Variants in ERBB4 observed in about 807,000 individuals in gnomAD.
ERBB4 encodes the protein receptor tyrosine-protein kinase erbB-4.
ERBB4 carries 42 observed loss-of-function variants against 158.0 expected under a neutral mutation model. That is an observed-to-expected ratio of 0.27 (90% CI 0.21 to 0.34). ERBB4 has a LOEUF of 0.34. Ranked by LOEUF, ERBB4 falls within the 10% of genes least tolerant of loss-of-function variation. The pLI, the probability that ERBB4 is intolerant of heterozygous loss-of-function variation, is 1.00. For synonymous variants in ERBB4, 583 were observed against 558.7 expected (o/e 1.04, Z -0.61); for missense variants, 1,333 against 1,624.1 (o/e 0.82, Z 3.08).
chr2:212,059,703 A>G (rs2077699684), intron 2 of ERBB4, among the ~76,000 whole-genome samples: 1 of 152,232 alleles, frequency 6.6e-6, no homozygotes, highest in Admixed American at 6.5e-5. Flanking sequence ...AAGATTCCCT[A>G]TTTAATAAAT....
chr2:211,627,986 A>G (rs968055486), intron 17 of ERBB4, among the ~76,000 whole-genome samples: 1 of 152,222 alleles, frequency 6.6e-6, no homozygotes, highest in African/African-American at 2.4e-5. Flanking sequence ...GGTCTGTGTG[A>G]TTACAACACT....
At chr2:212,442,042 T>C (rs995878757) in intron 1 of ERBB4, among the ~76,000 whole-genome samples, 2 of 152,026 alleles carry the variant, frequency 1.3e-5, no homozygotes, top group African/African-American at 4.8e-5. Flanking sequence ...TAGAGATAAT[T>C]GCACTCAACC....
intron 20 of ERBB4, among the ~76,000 whole-genome samples, chr2:211,503,089 C>A (rs539168305): frequency 1.3e-5 from 2 of 152,220 alleles, no homozygotes; most frequent in South Asian, 4.1e-4. Context: ...TGAAGAAACT[C>A]TGGGACACCA....
chr2:211,492,614 A>C (rs1330849751), intron 20 of ERBB4, among the ~76,000 whole-genome samples: 1 of 152,100 alleles, frequency 6.6e-6, no homozygotes, highest in African/African-American at 2.4e-5. Context: ...GCTCAGCAAG[A>C]AATAGAAAAC....
intron 1 of ERBB4, among the ~76,000 whole-genome samples, chr2:212,320,083 G>C: frequency 6.7e-6 from 1 of 149,956 alleles, no homozygotes; most frequent in Middle Eastern, 3.2e-3. Context: ...GCAAGTAAAA[G>C]TGATGGCATT....
At chr2:211,771,301 G>A (rs1559502762) in intron 4 of ERBB4, among the ~76,000 whole-genome samples, 1 of 147,974 alleles carries the variant, frequency 6.8e-6, no homozygotes, top group South Asian at 2.4e-4. Context: ...TCACCTTCAT[G>A]TAATATTTTT....
At position 211,746,907 on chromosome 2, in the gene ERBB4, T is replaced by C. The variant is rs74957707; in HGVS notation, c.622+3732A>G. ...TTCTTATGGAACCTAAGGACAGCAG[T>C]GTAGCTGGACCTCACGGAACCCAGA... On this transcript the variant is annotated intron_variant, in intron 5 of 27. Coordinates refer to ENST00000342788, the MANE Select transcript of ERBB4 (RefSeq NM_005235.3). Among the ~76,000 whole-genome samples the C allele has an allele frequency of 2.6e-3, 400 of 151,396 alleles. 1 individual carries two copies. Among genetic ancestry groups the C allele is most frequent in the African/African-American group, 9.1e-3 (374 of 41,176 alleles).
At chr2:211,862,722 C>T (rs1425325766) in intron 3 of ERBB4, among the ~76,000 whole-genome samples, 1 of 152,074 alleles carries the variant, frequency 6.6e-6, no homozygotes, top group Non-Finnish European at 1.5e-5. Context: ...CATTATTTTA[C>T]TTAGAAAAAA....
chr2:211,673,196 T>C lies in ERBB4; in HGVS notation c.1684A>G (p.Met562Val). The part of the protein sequence containing the change: ...CVECDPQCEK[M>V]EDGLLTCHGP... ...TGGCATGTGAGGAGGCCATCTTCCA[T>C]CTTCTCACACTGGGGGTCACACTCC... The change falls in exon 14 of 28, where the codon ATG becomes GTG. Residue 562 changes from methionine (M) to valine (V), a missense_variant. Physicochemically the swap from Met to Val is conservative, Grantham distance 21. This residue lies in a region of ERBB4 where 245 missense variants were observed against 247.5 expected (regional missense o/e 0.99). Coordinates refer to ENST00000342788, the MANE Select transcript of ERBB4 (RefSeq NM_005235.3). The C allele has an allele frequency of 6.2e-7, 1 of 1,613,784 alleles. No homozygotes were observed. The highest frequency in any genetic ancestry group is 8.5e-7 in the Non-Finnish European group (1 of 1,179,756).
intron 1 of ERBB4, among the ~76,000 whole-genome samples, chr2:212,398,458 A>G (rs965999556): frequency 3.9e-5 from 6 of 152,186 alleles, no homozygotes; most frequent in Admixed American, 3.9e-4. Context: ...TACAAGATCA[A>G]TAGTTCATCC....
At chr2:211,559,941 A>C (rs1319526417) in intron 20 of ERBB4, among the ~76,000 whole-genome samples, 1 of 152,192 alleles carries the variant, frequency 6.6e-6, no homozygotes, top group Non-Finnish European at 1.5e-5. Context: ...TACAAAAAAG[A>C]AAATAATTAT....
chr2:211,390,341 A>C (rs1352540178), intron 25 of ERBB4, among the ~76,000 whole-genome samples: 7 of 152,242 alleles, frequency 4.6e-5, no homozygotes, highest in African/African-American at 1.7e-4. Flanking sequence ...AAAGGCAAGA[A>C]TGAAACAAGG....
In ERBB4 at chr2:212,405,742, G is replaced by T. The variant is rs139747416; in HGVS notation, c.82+132707C>A. ...TTATTTTTGTATGCTGGCTCCTAGG[G>T]AGCAGCCACACTTAGTAAGTACATA... On this transcript the variant is annotated intron_variant, in intron 1 of 27. Transcript: ENST00000342788. 9.2e-3 allele frequency among the ~76,000 whole-genome samples: 1,399 copies of T among 152,142 alleles called. 14 individuals carry two copies. The highest frequency in any genetic ancestry group is 0.032 in the African/African-American group (1,322 of 41,536).
At chr2:211,732,612 T>C (rs1174100076) in intron 5 of ERBB4, among the ~76,000 whole-genome samples, 2 of 152,146 alleles carry the variant, frequency 1.3e-5, no homozygotes, top group Non-Finnish European at 2.9e-5. Flanking sequence ...CTGGAAAACA[T>C]AGCAAATAGC....
At chr2:212,396,284 A>C (rs1313777896) in intron 1 of ERBB4, among the ~76,000 whole-genome samples, 1 of 152,156 alleles carries the variant, frequency 6.6e-6, no homozygotes, top group Non-Finnish European at 1.5e-5. Context: ...TTCAGAATGA[A>C]TCCAGAGATG....
At chr2:212,474,879 T>C (rs1412914988) in intron 1 of ERBB4, among the ~76,000 whole-genome samples, 1 of 139,380 alleles carries the variant, frequency 7.2e-6, no homozygotes, top group Non-Finnish European at 1.5e-5. Flanking sequence ...TTCAACCTCC[T>C]GATGGGCTCA....
chr2:212,320,351 A>T (rs747470559), intron 1 of ERBB4, among the ~76,000 whole-genome samples: 2 of 148,736 alleles, frequency 1.3e-5, no homozygotes, highest in African/African-American at 4.9e-5. Flanking sequence ...TCTTGGTAAT[A>T]GTGAACAAAT....
chr2:212,320,732 G>A (rs552803273), intron 1 of ERBB4, among the ~76,000 whole-genome samples: 1 of 149,916 alleles, frequency 6.7e-6, no homozygotes, highest in Admixed American at 6.7e-5. Flanking sequence ...CTGGCCCTAG[G>A]GCCAGGTTTG....
At chr2:211,651,281 A>T (rs1370084897) in intron 16 of ERBB4, among the ~76,000 whole-genome samples, 3 of 152,210 alleles carry the variant, frequency 2.0e-5, no homozygotes, top group African/African-American at 4.8e-5. Context: ...TCTCTCATAC[A>T]TAGATGTGCC....
Sources: gnomAD v4.1 joint callset for allele counts (sites outside exome capture counted in the v4.1 genomes callset) on GRCh38, gnomAD v4.1.1 for gene constraint, gnomAD v4.1.1 regional missense constraint, MANE v1.5 for transcripts, NCBI Gene and HGNC (gene_info 2026-07-23, HGNC 2026-07-21) for gene names.